The following GARIN1A variants were observed in gnomAD, a reference collection of about 807,000 sequenced individuals.
GARIN1A encodes Golgi-associated RAB2 interactor protein 1A.
At chr7:128,675,146 G>A in the GARIN1A span, among the ~76,000 whole-genome samples, 2 of 152,190 alleles carry the variant, frequency 1.3e-5, no homozygotes, top group East Asian at 1.9e-4. Context: ...TGTGATGGCC[G>A]CCTTCTGCTT....
chr7:128,707,714 A>G, the GARIN1A span, among the ~76,000 whole-genome samples: 1 of 152,024 alleles, frequency 6.6e-6, no homozygotes, highest in Non-Finnish European at 1.5e-5. Context: ...TGGCCTCCCA[A>G]AGTACTGGGA....
At chr7:128,680,066 C>G in the GARIN1A span, 5 of 1,579,500 alleles carry the variant, frequency 3.2e-6, no homozygotes, top group African/African-American at 6.7e-5. Flanking sequence ...CCCAGCCCAG[C>G]GAGCCCCTCG....
At chr7:128,673,405 A>G in the GARIN1A span, among the ~76,000 whole-genome samples, 1 of 152,306 alleles carries the variant, frequency 6.6e-6, no homozygotes, top group Non-Finnish European at 1.5e-5. Context: ...GCAGTTGAAG[A>G]AGGCTTTCCA....
chr7:128,676,298 C>T, the GARIN1A span, among the ~76,000 whole-genome samples: 1 of 152,042 alleles, frequency 6.6e-6, no homozygotes, highest in East Asian at 1.9e-4. Context: ...GCGTGAGCCA[C>T]CGCGCCTGAC....
the GARIN1A span, chr7:128,683,111 A>C: frequency 6.2e-7 from 1 of 1,612,680 alleles, no homozygotes; most frequent in Non-Finnish European, 8.5e-7. Context: ...AGCACCTTCT[A>C]CAAGTTCATA....
chr7:128,684,560 A>G, the GARIN1A span: 1 of 139,894 alleles, frequency 7.1e-6, no homozygotes, highest in African/African-American at 2.7e-5. Context: ...GCTTGCAGTG[A>G]GCTGGGATCA....
chr7:128,682,474 T>A, the GARIN1A span, among the ~76,000 whole-genome samples: 2 of 152,356 alleles, frequency 1.3e-5, no homozygotes, highest in East Asian at 3.9e-4. Flanking sequence ...GCCCTTAACA[T>A]TATTGCATGT....
At chr7:128,692,156 C>T in the GARIN1A span, among the ~76,000 whole-genome samples, 2 of 152,182 alleles carry the variant, frequency 1.3e-5, no homozygotes, top group Admixed American at 6.5e-5. Context: ...ATGTTTTCTA[C>T]GTGTACACCC....
chr7:128,678,015 C>CT, the GARIN1A span: 14,891 of 171,306 alleles, frequency 0.087, 1,302 homozygotes, highest in African/African-American at 0.19. Context: ...AGAAATGTTT[C>CT]TTTTTTTTTT....
chr7:128,699,267 C>T, the GARIN1A span, among the ~76,000 whole-genome samples: 2 of 141,368 alleles, frequency 1.4e-5, no homozygotes, highest in Admixed American at 1.4e-4. Context: ...GCTGCCCCCC[C>T]CCCCCCACCA....
chr7:128,678,698 G>A, the GARIN1A span, among the ~76,000 whole-genome samples: 2 of 151,704 alleles, frequency 1.3e-5, no homozygotes, highest in Non-Finnish European at 2.9e-5. Context: ...TACTCAGGAA[G>A]CTGAGGCAGG....
the GARIN1A span, among the ~76,000 whole-genome samples, chr7:128,674,305 G>T: frequency 1.3e-5 from 2 of 152,042 alleles, no homozygotes; most frequent in Admixed American, 6.6e-5. Context: ...AAAAATTTTT[G>T]ATAGAGACAG....
chr7:128,672,507 A>G, the GARIN1A span: 2 of 1,610,206 alleles, frequency 1.2e-6, no homozygotes, highest in South Asian at 1.1e-5. Flanking sequence ...CCAGAATTCA[A>G]TTTGTTCTCC....
the GARIN1A span, among the ~76,000 whole-genome samples, chr7:128,678,712 A>G: frequency 6.6e-6 from 1 of 151,934 alleles, no homozygotes; most frequent in Admixed American, 6.6e-5. Flanking sequence ...AGGCAGGAGA[A>G]TTGCTTAAAC....
the GARIN1A span, among the ~76,000 whole-genome samples, chr7:128,690,175 A>G: frequency 6.6e-6 from 1 of 152,200 alleles, no homozygotes; most frequent in East Asian, 1.9e-4. Flanking sequence ...GGGCAGTGCA[A>G]GATGTGCTTT....
At chr7:128,690,897 C>T in the GARIN1A span, 2 of 152,156 alleles carry the variant, frequency 1.3e-5, no homozygotes, top group Admixed American at 6.5e-5. Context: ...CTGCTAAATA[C>T]ATCTCCGCAA....
At chr7:128,674,620 A>G in the GARIN1A span, among the ~76,000 whole-genome samples, 5 of 152,324 alleles carry the variant, frequency 3.3e-5, no homozygotes, top group Non-Finnish European at 7.3e-5. Flanking sequence ...AGAGGATATG[A>G]ATTTCATTCC....
chr7:128,702,182 G>T, the GARIN1A span, among the ~76,000 whole-genome samples: 5 of 152,172 alleles, frequency 3.3e-5, no homozygotes, highest in African/African-American at 1.2e-4. Context: ...CAAGCAGAAG[G>T]AATGTGATAG....
chr7:128,683,894 A>T, the GARIN1A span: 3 of 155,242 alleles, frequency 1.9e-5, no homozygotes, highest in African/African-American at 7.2e-5. Flanking sequence ...AGAGAAGCAG[A>T]CCTGTCCTAC....
Sources: allele counts gnomAD v4.1 joint callset (sites outside exome capture counted in the v4.1 genomes callset), GRCh38; gene constraint gnomAD v4.1.1; transcripts MANE v1.5; gene names NCBI Gene and HGNC (gene_info 2026-07-23, HGNC 2026-07-21).